The following ROBO1 variants were observed in gnomAD, a reference collection of about 807,000 sequenced individuals.
The protein encoded by ROBO1 is roundabout guidance receptor 1.
A neutral mutation model predicts 195.9 loss-of-function variants in ROBO1; 149 were observed. The observed-to-expected ratio is 0.76, with a 90% CI of 0.67 to 0.87. ROBO1 has a LOEUF of 0.87. Ranked by LOEUF, ROBO1 falls within the 40% of genes least tolerant of loss-of-function variation. The probability of loss-of-function intolerance (pLI) is 0.00; values close to 1 mark genes in which losing one functional copy is unlikely to be tolerated. For missense variants in ROBO1, 1,933 were observed against 2,068.3 expected (o/e 0.93, Z 1.27); for synonymous variants, 816 against 733.2 (o/e 1.11, Z -1.82).
In ROBO1 at chr3:79,410,008, G is replaced by A. The variant is rs541504479; in HGVS notation, c.88+179816C>T. 5.1e-4 allele frequency among the ~76,000 whole-genome samples: 77 copies of A among 152,052 alleles called. No individual in the cohort carries two copies. The Middle Eastern group carries it at 0.01, about 20-fold the overall frequency. On this transcript the variant is annotated intron_variant, in intron 2 of 30. Coordinates refer to ENST00000464233, the MANE Select transcript of ROBO1 (RefSeq NM_002941.4). Reference sequence around the variant, plus strand: ...GCCCCTAAGCTTACTGAGAAACTGAGGTATGGGATTTCCCACAGCAGGATA... The same window carrying A: ...GCCCCTAAGCTTACTGAGAAACTGAAGTATGGGATTTCCCACAGCAGGATA...
chr3:79,711,542 A>C (rs1702276374), intron 1 of ROBO1, among the ~76,000 whole-genome samples: 1 of 152,180 alleles, frequency 6.6e-6, no homozygotes, highest in African/African-American at 2.4e-5. Flanking sequence ...AAGGAAAATT[A>C]AAAATTCTCA....
chr3:78,790,041 GTCT>G (rs1364308510), intron 4 of ROBO1, among the ~76,000 whole-genome samples: 1 of 152,082 alleles, frequency 6.6e-6, no homozygotes, highest in African/African-American at 2.4e-5. Flanking sequence ...TTGCAGCTTT[GTCT>G]TCTATTGTCC....
chr3:79,071,902 A>T (rs2079097760), intron 3 of ROBO1, among the ~76,000 whole-genome samples: 1 of 151,818 alleles, frequency 6.6e-6, no homozygotes, highest in Admixed American at 6.6e-5. Context: ...ACTGTAGAAA[A>T]TTGAGAGCTA....
intron 3 of ROBO1, among the ~76,000 whole-genome samples, chr3:79,068,225 A>C (rs1339177165): frequency 6.6e-6 from 1 of 151,874 alleles, no homozygotes; most frequent in East Asian, 1.9e-4. Flanking sequence ...GCCTTTGCTG[A>C]ACACATAGAT....
rs568410472 is a variant in ROBO1 at position 79,317,856 on chromosome 3, T to TACAC, written c.89-192321_89-192318dup. 6.6e-5 allele frequency among the ~76,000 whole-genome samples: 10 copies of TACAC among 151,216 alleles called. No homozygotes were observed. The South Asian group carries it at 1.5e-3, about 22-fold the overall frequency. On this transcript the variant is annotated intron_variant, in intron 2 of 30. Coordinates refer to ENST00000464233, the MANE Select transcript of ROBO1 (RefSeq NM_002941.4). ...TACATCTCCTTACAGATCTGTGTTA[T>TACAC]ACACACACACACACACAATGAAATG...
intron 2 of ROBO1, among the ~76,000 whole-genome samples, chr3:79,201,553 C>T (rs1378880287): frequency 1.3e-5 from 2 of 151,856 alleles, no homozygotes; most frequent in African/African-American, 2.4e-5. Context: ...TTTTACACAG[C>T]GAGAAAGCTG....
chr3:78,622,076 CT>C (rs1704492197), intron 26 of ROBO1, among the ~76,000 whole-genome samples: 1 of 152,040 alleles, frequency 6.6e-6, no homozygotes, highest in Non-Finnish European at 1.5e-5. Flanking sequence ...ATACCAATCA[CT>C]TTTTAAAACA....
rs150725665 is a variant in ROBO1 at position 78,942,631 on chromosome 3, C to G, written c.173-3704G>C. Among the ~76,000 whole-genome samples, 363 of 152,258 alleles carry G rather than the reference C, an allele frequency of 2.4e-3. 1 individual carries two copies. Among genetic ancestry groups the G allele is most frequent in the African/African-American group, 5.7e-3 (235 of 41,558 alleles). On this transcript the variant is annotated intron_variant, in intron 3 of 30. Coordinates refer to ENST00000464233, the MANE Select transcript of ROBO1 (RefSeq NM_002941.4). ...TTGGGATACTTCTAGAATAGCCAAA[C>G]GGTACTGACAAGCTGTCAATTGTAT...
chr3:78,915,455 G>C (rs985675067), intron 4 of ROBO1, among the ~76,000 whole-genome samples: 1 of 152,014 alleles, frequency 6.6e-6, no homozygotes, highest in African/African-American at 2.4e-5. Flanking sequence ...ATAATAAATA[G>C]AGCAGATTAA....
intron 8 of ROBO1, chr3:78,693,176 C>G: frequency 1.3e-6 from 1 of 761,604 alleles, no homozygotes; most frequent in South Asian, 2.2e-5. Context: ...TCACAGTTAC[C>G]CATACTTCCT....
intron 2 of ROBO1, among the ~76,000 whole-genome samples, chr3:79,560,626 G>T (rs1942883231): frequency 6.8e-6 from 1 of 148,024 alleles, no homozygotes; most frequent in South Asian, 2.1e-4. Context: ...CAGTCAATTA[G>T]TCATCCGAGA....
chr3:79,398,441 T>A (rs972059715), intron 2 of ROBO1, among the ~76,000 whole-genome samples: 5 of 152,150 alleles, frequency 3.3e-5, no homozygotes, highest in Admixed American at 2.0e-4. Context: ...AGGCTGATAC[T>A]GATATAGGTG....
At chr3:79,355,347 T>A (rs888668525) in intron 2 of ROBO1, among the ~76,000 whole-genome samples, 2 of 152,194 alleles carry the variant, frequency 1.3e-5, no homozygotes, top group Non-Finnish European at 2.9e-5. Flanking sequence ...AATGTATACA[T>A]GGTAGAATGA....
intron 2 of ROBO1, among the ~76,000 whole-genome samples, chr3:79,240,323 T>C (rs936294073): frequency 2.6e-5 from 4 of 152,284 alleles, no homozygotes; most frequent in East Asian, 1.9e-4. Context: ...TTTTTAAAAA[T>C]TGAATAGTAT....
At position 78,956,685 on chromosome 3, in the gene ROBO1, G is replaced by A. The variant is rs531205157; in HGVS notation, c.173-17758C>T. Among the ~76,000 whole-genome samples, 7 of 152,250 alleles carry A rather than the reference G, an allele frequency of 4.6e-5. No individual in the cohort carries two copies. In the South Asian group the frequency reaches 1.5e-3, roughly 32 times the overall value. On this transcript the variant is annotated intron_variant, in intron 3 of 30. Transcript: ENST00000464233. ...GGTATAGACAAGCATCATTCTTGGAGGCAGTCAGTGTACCTCTGAGCTGAA... is the reference window on the plus strand; with the variant it reads ...GGTATAGACAAGCATCATTCTTGGAAGCAGTCAGTGTACCTCTGAGCTGAA...
intron 4 of ROBO1, among the ~76,000 whole-genome samples, chr3:78,777,330 C>A (rs2108460597): frequency 6.6e-6 from 1 of 152,240 alleles, no homozygotes; most frequent in Non-Finnish European, 1.5e-5. Flanking sequence ...CTAGTGATGT[C>A]AATTTAAAGA....
At chr3:79,534,881 C>G in intron 2 of ROBO1, among the ~76,000 whole-genome samples, 1 of 152,126 alleles carries the variant, frequency 6.6e-6, no homozygotes, top group East Asian at 1.9e-4. Context: ...CTGCGTTTGA[C>G]TTCTTGGGTG....
chr3:78,786,530 T>C (rs1171605418), intron 4 of ROBO1, among the ~76,000 whole-genome samples: 2 of 152,264 alleles, frequency 1.3e-5, no homozygotes, highest in East Asian at 1.9e-4. Context: ...CCCAATCTCA[T>C]CTTGAACTGT....
At chr3:79,763,210 G>A (rs868389102) in intron 1 of ROBO1, among the ~76,000 whole-genome samples, 4 of 152,012 alleles carry the variant, frequency 2.6e-5, no homozygotes, top group East Asian at 1.9e-4. Flanking sequence ...CTGAAACTCC[G>A]GAAATGTATC....
Sources: allele counts gnomAD v4.1 joint callset (sites outside exome capture counted in the v4.1 genomes callset), GRCh38; gene constraint gnomAD v4.1.1; transcripts MANE v1.5; gene names NCBI Gene and HGNC (gene_info 2026-07-23, HGNC 2026-07-21).